Variants in INSYN2B observed in about 807,000 individuals in gnomAD.
INSYN2B encodes the protein inhibitory synaptic factor family member 2B.
Under a neutral mutation model 41.2 loss-of-function variants are expected in INSYN2B, and 16 were observed. The observed-to-expected ratio is 0.39, with a 90% CI of 0.26 to 0.59. The LOEUF (loss-of-function observed/expected upper bound fraction) is 0.59, where lower values mean the gene tolerates loss of function less well. Ranked by LOEUF, INSYN2B falls within the 20% of genes least tolerant of loss-of-function variation. The probability of loss-of-function intolerance (pLI) is 0.57; values close to 1 mark genes in which losing one functional copy is unlikely to be tolerated. For missense variants in INSYN2B, 608 were observed against 646.4 expected (o/e 0.94, Z 0.64); for synonymous variants, 245 against 244.4 (o/e 1.00, Z -0.02).
intron 3 of INSYN2B, among the ~76,000 whole-genome samples, chr5:169,870,689 G>T (rs1771906749): frequency 6.6e-6 from 1 of 151,926 alleles, no homozygotes; most frequent in Non-Finnish European, 1.5e-5. Flanking sequence ...TGCCATGTTG[G>T]TATGCTGCAC....
At chr5:169,973,084 A>G (rs1376680667) in intron 1 of INSYN2B, among the ~76,000 whole-genome samples, 1 of 152,220 alleles carries the variant, frequency 6.6e-6, no homozygotes, top group African/African-American at 2.4e-5. Context: ...CTCCTCAAGA[A>G]GGAAAACGAG....
intron 1 of INSYN2B, among the ~76,000 whole-genome samples, chr5:169,902,966 C>CGG (rs1774016764): frequency 6.6e-6 from 1 of 152,030 alleles, no homozygotes; most frequent in Non-Finnish European, 1.5e-5. Context: ...GGTGTGGTGG[C>CGG]ACATGCCTGT....
chr5:169,931,702 G>A (rs1158194127), intron 1 of INSYN2B, among the ~76,000 whole-genome samples: 2 of 152,176 alleles, frequency 1.3e-5, no homozygotes. Context: ...TGAGGAAGGT[G>A]AAGTTCCTAG....
chr5:169,866,601 C>G (rs1400928160), intron 3 of INSYN2B, among the ~76,000 whole-genome samples: 1 of 152,200 alleles, frequency 6.6e-6, no homozygotes, highest in Non-Finnish European at 1.5e-5. Context: ...GACAATCTCC[C>G]TGGCCTCCTG....
At chr5:169,914,693 T>G (rs1292364894) in intron 1 of INSYN2B, among the ~76,000 whole-genome samples, 1 of 152,224 alleles carries the variant, frequency 6.6e-6, no homozygotes, top group Non-Finnish European at 1.5e-5. Context: ...CACATCCCCA[T>G]CTAAGGCATC....
chr5:169,950,488 G>A (rs1776615845), intron 1 of INSYN2B, among the ~76,000 whole-genome samples: 1 of 152,170 alleles, frequency 6.6e-6, no homozygotes, highest in Non-Finnish European at 1.5e-5. Context: ...GTGAACCAGG[G>A]TTGAGAGGCT....
intron 1 of INSYN2B, among the ~76,000 whole-genome samples, chr5:169,894,923 C>A (rs1362286738): frequency 6.6e-6 from 1 of 152,192 alleles, no homozygotes; most frequent in African/African-American, 2.4e-5. Flanking sequence ...AATGTCCCGT[C>A]TGCTGGTTTT....
intron 1 of INSYN2B, among the ~76,000 whole-genome samples, chr5:169,958,238 A>T (rs62386599): frequency 6.8e-6 from 1 of 147,776 alleles, no homozygotes; most frequent in Non-Finnish European, 1.5e-5. Context: ...CAAAAAAAAA[A>T]GGCACCTACC....
At chr5:169,949,566 C>T (rs1301585990) in intron 1 of INSYN2B, among the ~76,000 whole-genome samples, 8 of 151,042 alleles carry the variant, frequency 5.3e-5, no homozygotes, top group Non-Finnish European at 7.4e-5. Context: ...TACCCAGAGG[C>T]GGGGGAGCAC....
chr5:169,974,243 A>G (rs1263563128), intron 1 of INSYN2B, among the ~76,000 whole-genome samples: 1 of 152,266 alleles, frequency 6.6e-6, no homozygotes, highest in African/African-American at 2.4e-5. Context: ...GGAGGATTAC[A>G]TAAGATAAAG....
chr5:169,874,593 G>A (rs1772204843), intron 3 of INSYN2B, among the ~76,000 whole-genome samples: 1 of 152,096 alleles, frequency 6.6e-6, no homozygotes, highest in African/African-American at 2.4e-5. Context: ...GTCAGCATTT[G>A]GACACCCACC....
intron 1 of INSYN2B, among the ~76,000 whole-genome samples, chr5:169,968,088 A>G (rs1180600078): frequency 2.6e-5 from 4 of 152,190 alleles, no homozygotes; most frequent in Non-Finnish European, 5.9e-5. Context: ...TCAAGGAGAG[A>G]AAACCTTCCT....
intron 1 of INSYN2B, among the ~76,000 whole-genome samples, chr5:169,926,410 T>G (rs1775459101): frequency 6.6e-6 from 1 of 152,232 alleles, no homozygotes; most frequent in South Asian, 2.1e-4. Flanking sequence ...GCATTACTGT[T>G]AACAAATAGG....
chr5:169,871,913 G>T (rs1047495162), intron 3 of INSYN2B, among the ~76,000 whole-genome samples: 1 of 152,228 alleles, frequency 6.6e-6, no homozygotes, highest in Non-Finnish European at 1.5e-5. Flanking sequence ...TAAGGAGGCA[G>T]CCTATTGAAG....
At chr5:169,935,476 A>C (rs1020562087) in intron 1 of INSYN2B, among the ~76,000 whole-genome samples, 1 of 152,198 alleles carries the variant, frequency 6.6e-6, no homozygotes, top group African/African-American at 2.4e-5. Flanking sequence ...GTTCGGGTTG[A>C]GAGCTGATTT....
chr5:169,935,666 G>A (rs931680350), intron 1 of INSYN2B, among the ~76,000 whole-genome samples: 3 of 152,142 alleles, frequency 2.0e-5, no homozygotes, highest in South Asian at 2.1e-4. Flanking sequence ...TTGCCGATGC[G>A]GTGAAGTCAT....
intron 2 of INSYN2B, 68 bp from the exon 3 acceptor site, chr5:169,881,510 T>C: frequency 8.1e-7 from 1 of 1,241,080 alleles, no homozygotes; most frequent in Non-Finnish European, 1.2e-6. Flanking sequence ...ACATTCAACC[T>C]ACTTGTCCCT....
chr5:169,925,661 G>A (rs1775408707), intron 1 of INSYN2B, among the ~76,000 whole-genome samples: 1 of 149,718 alleles, frequency 6.7e-6, no homozygotes, highest in South Asian at 2.1e-4. Flanking sequence ...TGTGTGACCT[G>A]TGGGACTTCT....
intron 1 of INSYN2B, among the ~76,000 whole-genome samples, chr5:169,910,214 A>G (rs1298042231): frequency 6.6e-6 from 1 of 152,214 alleles, no homozygotes; most frequent in Non-Finnish European, 1.5e-5. Flanking sequence ...AAAGAAGAGG[A>G]CAGTCATCAG....
Sources: gnomAD v4.1 joint callset for allele counts (sites outside exome capture counted in the v4.1 genomes callset) on GRCh38, gnomAD v4.1.1 for gene constraint, MANE v1.5 for transcripts, NCBI Gene and HGNC (gene_info 2026-07-23, HGNC 2026-07-21) for gene names.